The following AKAP9 variants were observed in gnomAD, a reference collection of about 807,000 sequenced individuals.
AKAP9 encodes A-kinase anchoring protein 9, also known as A-kinase anchor protein 9.
A neutral mutation model predicts 488.5 loss-of-function variants in AKAP9; 311 were observed. The observed-to-expected ratio is 0.64, with a 90% CI of 0.58 to 0.70. AKAP9 has a LOEUF of 0.70. Ranked by LOEUF, AKAP9 falls within the 30% of genes least tolerant of loss-of-function variation. The pLI is 0.00. For missense variants in AKAP9, 4,215 were observed against 4,374.5 expected (o/e 0.96, Z 1.03); for synonymous variants, 1,462 against 1,483.5 (o/e 0.99, Z 0.33).
At chr7:91,979,436 G>C (rs1230399357) in intron 2 of AKAP9, among the ~76,000 whole-genome samples, 1 of 152,058 alleles carries the variant, frequency 6.6e-6, no homozygotes, top group Non-Finnish European at 1.5e-5. Context: ...CTCCCACCAG[G>C]TCTCTCCCAA....
At position 92,097,708 on chromosome 7, in the gene AKAP9, C is replaced by T; in HGVS notation, c.10521C>T (p.Gly3507=). Residue 3507 remains glycine (G), a synonymous_variant, in exon 42 of 50, where the codon GGC becomes GGT. Transcript: ENST00000356239. ...TTGAAATGAATGGAGGAGGAACCGGCTGTAATCATGAATTAGAAATGATCA... is the reference window on the plus strand; with the variant it reads ...TTGAAATGAATGGAGGAGGAACCGGTTGTAATCATGAATTAGAAATGATCA... ...KLIEMNGGGT[G]CNHELEMIRQ... The T allele has an allele frequency of 1.2e-6, 2 of 1,614,144 alleles. No homozygotes were observed. The highest frequency in any genetic ancestry group is 2.2e-5 in the South Asian group (2 of 91,080).
Position 91,958,125 on chromosome 7 carries a change from T to C in AKAP9, c.49-15586T>C, listed in dbSNP as rs186244816. ...ATAAATGATCTCTGACAGATGTCCA[T>C]GGGAGCTGATGATGGATACCTGATG... On this transcript the variant is annotated intron_variant, in intron 1 of 49. Transcript: ENST00000356239. 2.0e-5 allele frequency among the ~76,000 whole-genome samples: 3 copies of C among 152,330 alleles called. No individual in the cohort carries two copies. The East Asian group carries it at 5.8e-4, about 29-fold the overall frequency.
intron 15 of AKAP9, among the ~76,000 whole-genome samples, chr7:92,031,289 T>C (rs1323013269): frequency 6.6e-6 from 1 of 152,194 alleles, no homozygotes; most frequent in Non-Finnish European, 1.5e-5. Context: ...TGTAAACATA[T>C]TTCTCTTTGC....
At chr7:92,108,812 AATTT>A (rs1818931550) in intron 49 of AKAP9, 179 bp downstream of exon 49, 1 of 763,462 alleles carries the variant, frequency 1.3e-6, no homozygotes, top group African/African-American at 1.7e-5. Context: ...GACTTTAAAT[AATTT>A]AAGTGAAAAT....
chr7:91,972,173 G>A (rs1031823692), intron 1 of AKAP9, among the ~76,000 whole-genome samples: 3 of 152,046 alleles, frequency 2.0e-5, no homozygotes, highest in Admixed American at 1.3e-4. Context: ...CCTGTGGCAT[G>A]AACCTCTTAC....
In AKAP9 at chr7:91,972,852, A is replaced by G. The variant is rs1241055973; in HGVS notation, c.49-859A>G. Among the ~76,000 whole-genome samples, 3 of 152,244 alleles carry G rather than the reference A, an allele frequency of 2.0e-5. No individual in the cohort carries two copies. In the East Asian group the frequency reaches 5.8e-4, roughly 29 times the overall value. On this transcript the variant is annotated intron_variant, in intron 1 of 49. Transcript: ENST00000356239. ...ATAGGACAAAAATCCTGATGATGAT[A>G]TGTAAACGATTAAGGGCTGGAAAGC... is the stretch of plus-strand genomic sequence containing the variant.
At position 91,940,958 on chromosome 7, in the gene AKAP9, C is replaced by T; in HGVS notation, c.-142C>T. On this transcript the variant is annotated 5_prime_UTR_variant, in exon 1 of 50. Coordinates refer to ENST00000356239, the MANE Select transcript of AKAP9 (RefSeq NM_005751.5). Reference sequence around the variant, plus strand: ...CGCCAGTGAGCGCGGAGACTGCTTCCACTTCGGGCGGGGGAGCGCCGGACC... The same window carrying T: ...CGCCAGTGAGCGCGGAGACTGCTTCTACTTCGGGCGGGGGAGCGCCGGACC... The T allele has an allele frequency of 1.2e-6, 1 of 867,970 alleles. No homozygotes were observed. Among genetic ancestry groups the T allele is most frequent in the Middle Eastern group, 2.2e-4 (1 of 4,520 alleles). The allele number at this position is 867,970 out of a possible 1,614,324, so 53.8% of individuals were successfully genotyped here.
intron 16 of AKAP9, 61 bp downstream of exon 16, chr7:92,031,665 A>C: frequency 7.8e-7 from 1 of 1,282,560 alleles, no homozygotes; most frequent in Non-Finnish European, 1.1e-6. Context: ...GCCTTCAAAA[A>C]GAACATAGAT....
At position 92,085,684 on chromosome 7, in the gene AKAP9, G is replaced by A. The variant is rs190695638; in HGVS notation, c.9022G>A (p.Glu3008Lys). 32 of 1,609,158 alleles carry A rather than the reference G, an allele frequency of 2.0e-5. No individual in the cohort carries two copies. The highest frequency in any genetic ancestry group is 6.7e-5 in the Admixed American group (4 of 59,800). Residue 3008 changes from glutamate (E) to lysine (K), a missense_variant and splice_region_variant, in exon 36 of 50, where the codon GAG becomes AAG. Glu to Lys is a moderately conservative substitution (Grantham distance 56). This residue lies in a region of AKAP9 where 1,476 missense variants were observed against 1,477.4 expected (regional missense o/e 1.00). Transcript: ENST00000356239. ...AAAGATGCAACTGCAAAGAGAAGCC[G>A]AGGTAACCAAAGAATACTATGCATT... ...ITKMQLQREA[E>K]VYDSSQSHES...
chr7:91,982,538 T>C (rs950022390), intron 3 of AKAP9, among the ~76,000 whole-genome samples: 9 of 152,216 alleles, frequency 5.9e-5, no homozygotes, highest in African/African-American at 2.2e-4. Flanking sequence ...TTTTTATGGC[T>C]GCATAGTATT....
At chr7:92,056,625 A>G (rs1177314825) in intron 22 of AKAP9, among the ~76,000 whole-genome samples, 1 of 151,790 alleles carries the variant, frequency 6.6e-6, no homozygotes, top group African/African-American at 2.4e-5. Context: ...TGCCTAGTCC[A>G]GACTTGTAAG....
At chr7:91,986,360 G>T (rs2130613420) in intron 3 of AKAP9, among the ~76,000 whole-genome samples, 1 of 152,252 alleles carries the variant, frequency 6.6e-6, no homozygotes, top group South Asian at 2.1e-4. Context: ...CCTGGGTGAG[G>T]CGATGCCCTG....
At chr7:91,960,698 G>C (rs993297799) in intron 1 of AKAP9, among the ~76,000 whole-genome samples, 1 of 152,136 alleles carries the variant, frequency 6.6e-6, no homozygotes, top group African/African-American at 2.4e-5. Context: ...CAATTCATGA[G>C]AGTAGGGTTT....
chr7:92,082,971 T>G (rs2130869391), intron 32 of AKAP9, among the ~76,000 whole-genome samples, 199 bp from the exon 33 acceptor site: 1 of 152,282 alleles, frequency 6.6e-6, no homozygotes, highest in Non-Finnish European at 1.5e-5. Flanking sequence ...ATTATTTCAT[T>G]TCTATAGTAA....
At chr7:91,995,867 T>A in intron 7 of AKAP9, 67 bp downstream of exon 7, 1 of 1,264,262 alleles carries the variant, frequency 7.9e-7, no homozygotes, top group Non-Finnish European at 1.1e-6. Flanking sequence ...TTTATGCAAG[T>A]GGTTTTTTTT....
In AKAP9 at chr7:92,079,854, A is replaced by T; in HGVS notation, c.7721A>T (p.Asn2574Ile). The T allele has an allele frequency of 6.2e-7, 1 of 1,614,154 alleles. No homozygotes were observed. The highest frequency in any genetic ancestry group is 8.5e-7 in the Non-Finnish European group (1 of 1,180,002). Residue 2574 changes from asparagine to isoleucine, a missense_variant, in exon 31 of 50, where the codon AAT becomes ATT. This residue lies in a region of AKAP9 where 1,476 missense variants were observed against 1,477.4 expected (regional missense o/e 1.00). Transcript: ENST00000356239. ...GAATATGCAAAATTCTGTCAAGATA[A>T]TCAAACAATTTCATCAGAACCTGAA... ...VQEYAKFCQD[N>I]QTISSEPERT...
intron 8 of AKAP9, among the ~76,000 whole-genome samples, chr7:92,010,331 T>C (rs1186016496): frequency 2.6e-5 from 4 of 152,244 alleles, no homozygotes; most frequent in African/African-American, 9.6e-5. Flanking sequence ...CAACCTTTGA[T>C]CATTCGCAGG....
intron 22 of AKAP9, chr7:92,058,281 T>C (rs1461624018): frequency 1.7e-6 from 1 of 584,910 alleles, no homozygotes; most frequent in Non-Finnish European, 3.4e-6. Context: ...CCACATCCTT[T>C]TCCTCTTTGT....
At chr7:92,083,033 T>C (rs1813862861) in intron 32 of AKAP9, 137 bp from the exon 33 acceptor site, 2 of 982,696 alleles carry the variant, frequency 2.0e-6, no homozygotes, top group Admixed American at 2.8e-5. Flanking sequence ...TGAGCGTTTC[T>C]GAAATGTTTT....
Sources: allele counts gnomAD v4.1 joint callset (sites outside exome capture counted in the v4.1 genomes callset), GRCh38; gene constraint gnomAD v4.1.1; regional missense constraint gnomAD v4.1.1; transcripts MANE v1.5; gene names NCBI Gene and HGNC (gene_info 2026-07-23, HGNC 2026-07-21).